Variants in CDH18 observed in about 807,000 individuals in gnomAD.
The protein encoded by CDH18 is cadherin-18.
CDH18 carries 31 observed loss-of-function variants against 67.9 expected under a neutral mutation model. The ratio of observed to expected loss-of-function variants is 0.46; its 90% CI spans 0.34 to 0.62. The LOEUF (loss-of-function observed/expected upper bound fraction) is 0.62, where lower values mean the gene tolerates loss of function less well. CDH18 is among the 20% of genes least tolerant of loss of function. CDH18 has a pLI of 0.01. For synonymous variants in CDH18, 362 were observed against 347.2 expected (o/e 1.04, Z -0.48); for missense variants, 890 against 975.5 (o/e 0.91, Z 1.17).
At chr5:20,165,256 A>G (rs573710077) in intron 2 of CDH18, among the ~76,000 whole-genome samples, 1 of 152,124 alleles carries the variant, frequency 6.6e-6, no homozygotes, top group African/African-American at 2.4e-5. Flanking sequence ...TAAACGTGTT[A>G]TCTTTATTGT....
At chr5:19,941,603 G>C (rs56135093) in intron 2 of CDH18, among the ~76,000 whole-genome samples, 5 of 151,708 alleles carry the variant, frequency 3.3e-5, no homozygotes, top group Non-Finnish European at 7.4e-5. Flanking sequence ...GCAACATAGC[G>C]AGACCCCCAT....
At chr5:20,566,999 T>C (rs1581211367) in intron 1 of CDH18, among the ~76,000 whole-genome samples, 1 of 152,176 alleles carries the variant, frequency 6.6e-6, no homozygotes, top group Non-Finnish European at 1.5e-5. Flanking sequence ...ATCAAACCAA[T>C]TCCCTGGACC....
chr5:19,835,485 T>A (rs1781525632), intron 3 of CDH18, among the ~76,000 whole-genome samples: 1 of 152,012 alleles, frequency 6.6e-6, no homozygotes, highest in Non-Finnish European at 1.5e-5. Flanking sequence ...CTCTGTATTT[T>A]TTTAGAAGAA....
intron 2 of CDH18, among the ~76,000 whole-genome samples, chr5:20,204,045 A>G (rs1032147140): frequency 6.6e-6 from 1 of 152,128 alleles, no homozygotes; most frequent in Non-Finnish European, 1.5e-5. Context: ...ATTAATGTTC[A>G]ACAGGCAACT....
At chr5:19,676,574 G>A (rs566888745) in intron 5 of CDH18, among the ~76,000 whole-genome samples, 2 of 151,974 alleles carry the variant, frequency 1.3e-5, no homozygotes, top group Non-Finnish European at 2.9e-5. Context: ...CAGGTGCCAG[G>A]GAGTAGCAAA....
At chr5:19,552,522 A>T (rs1737640231) in intron 8 of CDH18, among the ~76,000 whole-genome samples, 2 of 152,266 alleles carry the variant, frequency 1.3e-5, no homozygotes, top group South Asian at 4.1e-4. Context: ...AAATAGACTC[A>T]ACGGCTACTC....
chr5:20,355,231 A>G (rs895793324), intron 1 of CDH18, among the ~76,000 whole-genome samples: 22 of 152,226 alleles, frequency 1.4e-4, no homozygotes, highest in Admixed American at 1.2e-3. Flanking sequence ...GTCTGTGTCA[A>G]GATGAGGGAG....
chr5:19,983,950 A>G (rs1489272357), intron 1 of CDH18, among the ~76,000 whole-genome samples: 1 of 152,196 alleles, frequency 6.6e-6, no homozygotes. Flanking sequence ...GACACCCACC[A>G]ATTCAAAGTT....
chr5:20,338,750 G>A (rs1739999714), intron 1 of CDH18, among the ~76,000 whole-genome samples: 1 of 152,188 alleles, frequency 6.6e-6, no homozygotes. Context: ...TGCAAAATGA[G>A]TGAAGAATTT....
At chr5:20,513,351 T>C (rs1463455920) in intron 1 of CDH18, among the ~76,000 whole-genome samples, 1 of 152,152 alleles carries the variant, frequency 6.6e-6, no homozygotes, top group African/African-American at 2.4e-5. Flanking sequence ...AATCTCTTAA[T>C]TGTCATTACA....
At chr5:20,291,181 G>C (rs1031556785) in intron 1 of CDH18, among the ~76,000 whole-genome samples, 1 of 152,014 alleles carries the variant, frequency 6.6e-6, no homozygotes, top group African/African-American at 2.4e-5. Flanking sequence ...GAAATTTCCT[G>C]GGAAATAGTG....
chr5:19,547,974 T>C (rs182655352), intron 8 of CDH18, among the ~76,000 whole-genome samples: 4 of 152,164 alleles, frequency 2.6e-5, no homozygotes, highest in African/African-American at 9.7e-5. Context: ...TTTTGAAGAT[T>C]AAATGTAGAA....
At chr5:20,150,740 T>C (rs114916062) in intron 2 of CDH18, among the ~76,000 whole-genome samples, 22 of 152,024 alleles carry the variant, frequency 1.4e-4, no homozygotes, top group African/African-American at 3.4e-4. Context: ...ATCCATTATG[T>C]TTTTCTATGG....
chr5:19,911,424 A>T (rs6895613), intron 2 of CDH18, among the ~76,000 whole-genome samples: 77,026 of 151,848 alleles, frequency 0.51, 19,767 homozygotes, highest in African/African-American at 0.59. Flanking sequence ...ATGCACTGAA[A>T]GGTCATGTGC....
chr5:19,699,413 C>A (rs1299112988), intron 5 of CDH18, among the ~76,000 whole-genome samples: 1 of 152,084 alleles, frequency 6.6e-6, no homozygotes, highest in African/African-American at 2.4e-5. Context: ...TTCTAAGATA[C>A]AACTTTATAC....
At position 20,435,027 on chromosome 5, in the gene CDH18, T is replaced by C. The variant is rs146695014; in HGVS notation, c.-580+140435A>G. On this transcript the variant is annotated intron_variant, in intron 1 of 14. Transcript: ENST00000507958. Reference sequence around the variant, plus strand: ...AAGCAAGCTATTTTAAGAAAGTAATTTTTGGCTTAAACCAGCACAAGTAAG... The same window carrying C: ...AAGCAAGCTATTTTAAGAAAGTAATCTTTGGCTTAAACCAGCACAAGTAAG... 2.6e-4 allele frequency among the ~76,000 whole-genome samples: 39 copies of C among 152,142 alleles called. 1 individual carries two copies. Among genetic ancestry groups the C allele is most frequent in the African/African-American group, 3.9e-4 (16 of 41,530 alleles).
intron 5 of CDH18, among the ~76,000 whole-genome samples, chr5:19,690,844 C>T (rs999307935): frequency 6.6e-6 from 1 of 151,704 alleles, no homozygotes; most frequent in African/African-American, 2.4e-5. Flanking sequence ...TGACTTCTAC[C>T]ACATGTATAA....
At chr5:19,999,113 A>G (rs1474870250) in intron 2 of CDH18, among the ~76,000 whole-genome samples, 1 of 152,192 alleles carries the variant, frequency 6.6e-6, no homozygotes, top group Non-Finnish European at 1.5e-5. Context: ...AAAAAGAGAA[A>G]AAGTAAAATA....
At chr5:19,675,893 C>T (rs1381688557) in intron 5 of CDH18, among the ~76,000 whole-genome samples, 1 of 151,806 alleles carries the variant, frequency 6.6e-6, no homozygotes, top group Non-Finnish European at 1.5e-5. Context: ...AACTAATAAA[C>T]GTCCATGAAA....
Sources: gnomAD v4.1 joint callset for allele counts (sites outside exome capture counted in the v4.1 genomes callset) on GRCh38, gnomAD v4.1.1 for gene constraint, MANE v1.5 for transcripts, NCBI Gene and HGNC (gene_info 2026-07-23, HGNC 2026-07-21) for gene names.